Variants in PLEKHG3 observed in about 807,000 individuals in gnomAD.
The protein encoded by PLEKHG3 is pleckstrin homology domain-containing family G member 3.
A neutral mutation model predicts 94.9 loss-of-function variants in PLEKHG3; 62 were observed. The ratio of observed to expected loss-of-function variants is 0.65; its 90% CI spans 0.53 to 0.81. The LOEUF (loss-of-function observed/expected upper bound fraction) is 0.81. Among genes scored for constraint, PLEKHG3 ranks in the 30% least tolerant of loss-of-function variants. The probability of loss-of-function intolerance (pLI) is 0.00; values close to 1 mark genes in which losing one functional copy is unlikely to be tolerated. For missense variants in PLEKHG3, 1,461 were observed against 1,619.3 expected, an observed-to-expected ratio of 0.90 and a Z score of 1.68; for synonymous variants, 614 against 654.0, an observed-to-expected ratio of 0.94 and a Z score of 0.93.
chr14:64,718,838 A>G lies in PLEKHG3; in HGVS notation c.-39-8755A>G, dbSNP rs1176921496. On this transcript the variant is annotated intron_variant, in intron 1 of 16. Coordinates refer to ENST00000247226, the MANE Select transcript of PLEKHG3 (RefSeq NM_001308147.2). The surrounding 1 kb of genome is among the most constrained non-coding windows in gnomAD (Gnocchi z 5.0). ...TACCCTGCAGATGGGTTTAAAACCC[A>G]CGGACCAGTGTCAAGGATGGTTTTT... 6.6e-6 allele frequency among the ~76,000 whole-genome samples: 1 copy of G among 152,128 alleles called. No homozygotes were observed. The highest frequency in any genetic ancestry group is 1.5e-5 in the Non-Finnish European group (1 of 68,032).
rs1359668357 is a variant in PLEKHG3, at chr14:64,741,119, C to T, written c.1602C>T (p.Asp534=). Residue 534 remains aspartate, a synonymous_variant, in exon 16 of 17, where the codon GAC becomes GAT. Coordinates refer to ENST00000247226, the MANE Select transcript of PLEKHG3 (RefSeq NM_001308147.2). ...EGPSAEETPS[D]TESPEVLETQ... ...CCAGTGCCGAGGAGACGCCTTCAGACACAGAATCTCCAGAAGTCCTGGAGA... is the reference window on the plus strand; with the variant it reads ...CCAGTGCCGAGGAGACGCCTTCAGATACAGAATCTCCAGAAGTCCTGGAGA... The T allele has an allele frequency of 1.2e-6, 2 of 1,614,054 alleles. No homozygotes were observed. Among genetic ancestry groups the T allele is most frequent in the East Asian group, 2.2e-5 (1 of 44,880 alleles).
intron 3 of PLEKHG3, among the ~76,000 whole-genome samples, chr14:64,729,737 A>T (rs2081423424): frequency 6.6e-6 from 1 of 152,048 alleles, no homozygotes; most frequent in South Asian, 2.1e-4. Flanking sequence ...GAAGTCTGGG[A>T]GGGCAGGGTG....
Position 64,749,597 on chromosome 14 carries a change from G to A in PLEKHG3, c.*5894G>A. ...AGGGGGCCTCCAGGGCAAGCGGCCT[G>A]GGGTCCTCCACCTACCCCCTTCTTA... On this transcript the variant is annotated 3_prime_UTR_variant, in exon 17 of 17. Transcript: ENST00000247226. The surrounding 1 kb of genome is among the most constrained non-coding windows in gnomAD (Gnocchi z 4.7). 6.2e-7 allele frequency: 1 copy of A among 1,610,864 alleles called. No individual in the cohort carries two copies. The highest frequency in any genetic ancestry group is 8.5e-7 in the Non-Finnish European group (1 of 1,179,510).
chr14:64,705,716 C>T (rs1291762867), intron 1 of PLEKHG3, among the ~76,000 whole-genome samples: 1 of 152,198 alleles, frequency 6.6e-6, no homozygotes, highest in Non-Finnish European at 1.5e-5. Flanking sequence ...GGAGGGCCTC[C>T]CCGTTGAGCA....
In PLEKHG3 at chr14:64,741,922, C is replaced by T; in HGVS notation, c.2405C>T (p.Pro802Leu). The T allele has an allele frequency of 6.3e-7, 1 of 1,590,450 alleles. No individual in the cohort carries two copies. Residue 802 changes from proline (P) to leucine (L), a missense_variant, in exon 16 of 17, where the codon CCC becomes CTC. Pro to Leu is a moderately conservative substitution (Grantham distance 98). Around this residue, in one of 3 missense-constraint regions of PLEKHG3, gnomAD observed 1,201 missense variants for 1,295.5 expected, o/e 0.93. Coordinates refer to ENST00000247226, the MANE Select transcript of PLEKHG3 (RefSeq NM_001308147.2). ...PSQAVKGDPP[P>L]ISDAEFRPSS... ...CAGGCAGTCAAAGGGGACCCACCTCCCATCTCAGATGCTGAGTTCCGCCCA... is the reference window on the plus strand; with the variant it reads ...CAGGCAGTCAAAGGGGACCCACCTCTCATCTCAGATGCTGAGTTCCGCCCA...
rs774509499 is a variant in PLEKHG3, at chr14:64,743,319, G to A, written c.3276G>A (p.Ser1092=). ...VPENMVEPPL[S]GRVGRCRSLS... is the part of the protein sequence containing the mutation. Reference sequence around the variant, plus strand: ...AGAACATGGTAGAGCCACCTCTGTCGGGCAGGGTGGGCCGCTGCCGCAGCC... The same window carrying A: ...AGAACATGGTAGAGCCACCTCTGTCAGGCAGGGTGGGCCGCTGCCGCAGCC... The change falls in exon 17 of 17, where the codon TCG becomes TCA. Residue 1092 remains serine (S), a synonymous_variant. Transcript: ENST00000247226. This position sits in a 1 kb window ranked among gnomAD's most constrained non-coding sequence, Gnocchi z 7.2. 19 of 1,607,742 alleles carry A rather than the reference G, an allele frequency of 1.2e-5. No individual in the cohort carries two copies. The highest frequency in any genetic ancestry group is 2.2e-5 in the South Asian group (2 of 90,814).
At chr14:64,710,555 C>T (rs150679041) in intron 1 of PLEKHG3, among the ~76,000 whole-genome samples, 3,882 of 152,226 alleles carry the variant, frequency 0.026, 77 homozygotes, top group South Asian at 0.056. Flanking sequence ...CCCGTAATCC[C>T]AGCTACTCGG....
rs187530902 is a variant in PLEKHG3, at chr14:64,737,046, G to A, written c.1384+155G>A. ...TCCATTCCCCCCAGAAGAGGGCCTC[G>A]CCCCTGGCTGGCTGAGGAGAGGGGC... On this transcript the variant is annotated intron_variant, in intron 13 of 16. Transcript: ENST00000247226. The A allele has an allele frequency of 5.1e-5, 36 of 712,256 alleles. No individual in the cohort carries two copies. In the African/African-American group the frequency reaches 5.4e-4, roughly 11 times the overall value. The allele number at this position is 712,256 out of a possible 1,614,324, so 44.1% of individuals were successfully genotyped here.
At chr14:64,724,578 G>A (rs969726665) in intron 1 of PLEKHG3, among the ~76,000 whole-genome samples, 1 of 152,206 alleles carries the variant, frequency 6.6e-6, no homozygotes, top group African/African-American at 2.4e-5. Context: ...TCCAGCCAGA[G>A]AATGAATGGC....
rs201048347 is a variant in PLEKHG3, at chr14:64,736,884, C to T, written c.1377C>T (p.Asn459=). Residue 459 remains asparagine, a synonymous_variant, in exon 13 of 17, where the codon AAC becomes AAT. Transcript: ENST00000247226. ...EPTKHLLRQL[N]EKARAAGMKG... The stretch of plus-strand genomic sequence containing the variant: ...CCAAACACCTGCTCAGGCAACTCAA[C>T]GAGAAAGGTGAGTGTGTGAGGTGGC... 31 of 1,612,754 alleles carry T rather than the reference C, an allele frequency of 1.9e-5. No homozygotes were observed. The highest frequency in any genetic ancestry group is 4.5e-5 in the East Asian group (2 of 44,868).
Position 64,749,604 on chromosome 14 carries a change from T to G in PLEKHG3, c.*5901T>G. The G allele has an allele frequency of 6.2e-7, 1 of 1,611,714 alleles. No individual in the cohort carries two copies. The highest frequency in any genetic ancestry group is 8.5e-7 in the Non-Finnish European group (1 of 1,179,588). ...CTCCAGGGCAAGCGGCCTGGGGTCCTCCACCTACCCCCTTCTTAGCCAGGT... is the reference window on the plus strand; with the variant it reads ...CTCCAGGGCAAGCGGCCTGGGGTCCGCCACCTACCCCCTTCTTAGCCAGGT... On this transcript the variant is annotated 3_prime_UTR_variant, in exon 17 of 17. Transcript: ENST00000247226. This position sits in a 1 kb window ranked among gnomAD's most constrained non-coding sequence, Gnocchi z 4.7.
intron 1 of PLEKHG3, among the ~76,000 whole-genome samples, chr14:64,724,892 G>A (rs1385642483): frequency 2.0e-5 from 3 of 152,186 alleles, no homozygotes; most frequent in Admixed American, 1.3e-4. Context: ...TATAAAATGA[G>A]GGTAGTAATA....
rs143809797 is a variant in PLEKHG3 at position 64,715,381 on chromosome 14, T to C, written c.-40+10677T>C. On this transcript the variant is annotated intron_variant, in intron 1 of 16. Coordinates refer to ENST00000247226, the MANE Select transcript of PLEKHG3 (RefSeq NM_001308147.2). This position sits in a 1 kb window ranked among gnomAD's most constrained non-coding sequence, Gnocchi z 4.4. ...TGGCTCCTCTACTTCCCTGACTGTA[T>C]GGCCCTGGGTACCAGAGTGTTGTGA... is the stretch of plus-strand genomic sequence containing the variant. Among the ~76,000 whole-genome samples, 300 of 152,300 alleles carry C rather than the reference T, an allele frequency of 2.0e-3. 1 individual carries two copies. The highest frequency in any genetic ancestry group is 6.9e-3 in the African/African-American group (287 of 41,568).
At chr14:64,740,852 G>A (rs1429096196) in intron 15 of PLEKHG3, among the ~76,000 whole-genome samples, 184 bp from the exon 16 acceptor site, 1 of 152,198 alleles carries the variant, frequency 6.6e-6, no homozygotes, top group Non-Finnish European at 1.5e-5. Flanking sequence ...GGTGACTAAA[G>A]GACACAGTCA....
At position 64,741,437 on chromosome 14, in the gene PLEKHG3, C is replaced by T. The variant is rs376767684; in HGVS notation, c.1920C>T (p.Ser640=). The change falls in exon 16 of 17, where the codon AGC becomes AGT. Residue 640 remains serine (S), a synonymous_variant. Coordinates refer to ENST00000247226, the MANE Select transcript of PLEKHG3 (RefSeq NM_001308147.2). Reference sequence around the variant, plus strand: ...CGCGGCTGGTCAGCCGGAGCAGCAGCGTGCTCAGCCTGGAGGGCAGCGAGA... The same window carrying T: ...CGCGGCTGGTCAGCCGGAGCAGCAGTGTGCTCAGCCTGGAGGGCAGCGAGA... ...GSPRLVSRSS[S]VLSLEGSEKG... The T allele has an allele frequency of 3.7e-5, 59 of 1,612,710 alleles. No homozygotes were observed. The Middle Eastern group carries it at 6.6e-4, about 18-fold the overall frequency.
At chr14:64,740,185 C>T (rs746686562) in intron 15 of PLEKHG3, among the ~76,000 whole-genome samples, 2 of 152,172 alleles carry the variant, frequency 1.3e-5, no homozygotes, top group African/African-American at 2.4e-5. Context: ...GCCACAGTGG[C>T]TGGTGGCTCC....
rs139270905 is a variant in PLEKHG3 at position 64,716,397 on chromosome 14, T to A, written c.-39-11196T>A. On this transcript the variant is annotated intron_variant, in intron 1 of 16. Coordinates refer to ENST00000247226, the MANE Select transcript of PLEKHG3 (RefSeq NM_001308147.2). The surrounding 1 kb of genome is among the most constrained non-coding windows in gnomAD (Gnocchi z 5.0). The stretch of plus-strand genomic sequence containing the variant: ...TCAGGGGGACTTCATGTCGTGAACA[T>A]TTGGAGTTGAGTGGTTAGAGAAGGT... Among the ~76,000 whole-genome samples the A allele has an allele frequency of 4.2e-3, 625 of 150,050 alleles. No homozygotes were observed. The highest frequency in any genetic ancestry group is 6.2e-3 in the Non-Finnish European group (422 of 67,588).
In PLEKHG3 at chr14:64,716,496, A is replaced by ACACACAC. The variant is rs1555359440; in HGVS notation, c.-39-11097_-39-11096insCACACAC. Among the ~76,000 whole-genome samples, 27 of 79,544 alleles carry ACACACAC rather than the reference A, an allele frequency of 3.4e-4. No homozygotes were observed. The highest frequency in any genetic ancestry group is 2.0e-3 in the South Asian group (3 of 1,514). The allele number at this position is 79,544 out of a possible 152,430, so 52.2% of individuals were successfully genotyped here. On this transcript the variant is annotated intron_variant, in intron 1 of 16. Coordinates refer to ENST00000247226, the MANE Select transcript of PLEKHG3 (RefSeq NM_001308147.2). This position sits in a 1 kb window ranked among gnomAD's most constrained non-coding sequence, Gnocchi z 5.0. Reference sequence around the variant, plus strand: ...ACACACACACAACACACACACACACAACACACACACACACACACACACACA... The same window carrying ACACACAC: ...ACACACACACAACACACACACACACACACACACACACACACACACACACACACACACA...
rs2081393536 is a variant in PLEKHG3, at chr14:64,728,381, G to A, written c.351+399G>A. Among the ~76,000 whole-genome samples the A allele has an allele frequency of 6.6e-6, 1 of 152,376 alleles. No individual in the cohort carries two copies. Among genetic ancestry groups the A allele is most frequent in the South Asian group, 2.1e-4 (1 of 4,826 alleles). On this transcript the variant is annotated intron_variant, in intron 2 of 16. Transcript: ENST00000247226. The surrounding 1 kb of genome is among the most constrained non-coding windows in gnomAD (Gnocchi z 5.9). Reference sequence around the variant, plus strand: ...AAGCGACACCTACCTTGTAGGTGAAGGGCACGGAAGGGCAGCTGTGTGGCT... The same window carrying A: ...AAGCGACACCTACCTTGTAGGTGAAAGGCACGGAAGGGCAGCTGTGTGGCT...
Sources: allele counts gnomAD v4.1 joint callset (sites outside exome capture counted in the v4.1 genomes callset), GRCh38; gene constraint gnomAD v4.1.1; regional missense constraint gnomAD v4.1.1; non-coding constraint Gnocchi (gnomAD v3.1); transcripts MANE v1.5; gene names NCBI Gene and HGNC (gene_info 2026-07-23, HGNC 2026-07-21).